PNPLA7: variants seen among roughly 807,000 people sequenced by gnomAD.
The protein encoded by PNPLA7 is patatin-like phospholipase domain-containing protein 7.
A neutral mutation model predicts 161.7 loss-of-function variants in PNPLA7; 153 were observed. The ratio of observed to expected loss-of-function variants is 0.95; its 90% confidence interval spans 0.83 to 1.08. The LOEUF is 1.08. Ranked by LOEUF, PNPLA7 falls within the 50% of genes least tolerant of loss-of-function variation. The pLI, the probability that PNPLA7 is intolerant of heterozygous loss-of-function variation, is 0.00. For missense variants in PNPLA7, 1,739 were observed against 1,856.6 expected (o/e 0.94, Z 1.16); for synonymous variants, 809 against 782.1 (o/e 1.03, Z -0.57).
intron 25 of PNPLA7, among the ~76,000 whole-genome samples, chr9:137,472,606 GC>G (rs1831757358): frequency 7.0e-6 from 1 of 142,818 alleles, no homozygotes; most frequent in Non-Finnish European, 1.5e-5. Flanking sequence ...AGCCGAGATT[GC>G]ACCGTTGCAC....
Position 137,464,325 on chromosome 9 carries a change from A to C in PNPLA7, c.3156+15T>G. On this transcript the variant is annotated intron_variant, in intron 27 of 34. Coordinates refer to ENST00000406427, the MANE Select transcript of PNPLA7 (RefSeq NM_001098537.3). The stretch of plus-strand genomic sequence containing the variant: ...GCACTGGGGGCTGCATGGGCTCCTG[A>C]GGGTGGGGGTGCACCTCGATCTGCT... 6.2e-7 allele frequency: 1 copy of C among 1,611,162 alleles called. No homozygotes were observed. The highest frequency in any genetic ancestry group is 8.5e-7 in the Non-Finnish European group (1 of 1,177,974).
chr9:137,543,383 C>T lies in PNPLA7; in HGVS notation c.506+49G>A, dbSNP rs768762675. The T allele has an allele frequency of 9.3e-6, 15 of 1,611,866 alleles. No homozygotes were observed. The highest frequency in any genetic ancestry group is 4.5e-5 in the East Asian group (2 of 44,872). On this transcript the variant is annotated intron_variant, in intron 6 of 34. Coordinates refer to ENST00000406427, the MANE Select transcript of PNPLA7 (RefSeq NM_001098537.3). The surrounding 1 kb of genome is among the most constrained non-coding windows in gnomAD (Gnocchi z 6.9). ...TGGAGCCAGGCCCCAGCGAGAAGCC[C>T]GGGGCTATGGGAGCTGCCGCAGCCC...
chr9:137,479,756 A>G, intron 23 of PNPLA7: 4 of 985,426 alleles, frequency 4.1e-6, no homozygotes, highest in Non-Finnish European at 4.8e-6. Flanking sequence ...CGCCTGCAGC[A>G]ATGGCCAGGT....
Position 137,467,542 on chromosome 9 carries a change from T to C in PNPLA7, c.2883-69A>G. 1 of 1,562,666 alleles carries C rather than the reference T, an allele frequency of 6.4e-7. No individual in the cohort carries two copies. Among genetic ancestry groups the C allele is most frequent in the Non-Finnish European group, 8.7e-7 (1 of 1,151,140 alleles). ...CAGGCTGCGCCCTGCAGAGGCCTTG[T>C]GCTCATCCTCAGTTCCCAACTCCTC... On this transcript the variant is annotated intron_variant, in intron 25 of 34. Transcript: ENST00000406427. The surrounding 1 kb of genome is among the most constrained non-coding windows in gnomAD (Gnocchi z 5.1).
At position 137,546,974 on chromosome 9, in the gene PNPLA7, G is replaced by A. The variant is rs552153018; in HGVS notation, c.194-65C>T. ...GCACAGGCCTGGTCCTGGACATGCA[G>A]GTGCAGCACAGTCAGTCATACTCTC... On this transcript the variant is annotated intron_variant, in intron 3 of 34. Transcript: ENST00000406427. 3.8e-5 allele frequency: 56 copies of A among 1,472,676 alleles called. 1 individual carries two copies. The African/African-American group carries it at 7.5e-4, about 20-fold the overall frequency. The allele number at this position is 1,472,676 out of a possible 1,614,324, so 91.2% of individuals were successfully genotyped here. A position where few individuals can be genotyped will look rare whatever the true frequency, so the allele number is the denominator to read the frequency against.
chr9:137,502,703 C>G (rs28588496), intron 14 of PNPLA7, among the ~76,000 whole-genome samples: 177 of 11,162 alleles, frequency 0.016, 3 homozygotes, highest in South Asian at 0.016. Flanking sequence ...GGGGGGGACG[C>G]GGGGGACGCG....
In PNPLA7 at chr9:137,501,745, T is replaced by C. The variant is rs925902985; in HGVS notation, c.1474-18A>G. On this transcript the variant is annotated intron_variant, in intron 14 of 34. Transcript: ENST00000406427. The stretch of plus-strand genomic sequence containing the variant: ...GATGAGTCCTAAAAACAGAGCAGAC[T>C]TCAGGGAACACGGGCGGGAAGCATA... 2 of 1,611,088 alleles carry C rather than the reference T, an allele frequency of 1.2e-6. No homozygotes were observed. The highest frequency in any genetic ancestry group is 1.7e-6 in the Non-Finnish European group (2 of 1,179,056).
At chr9:137,545,683 CA>C (rs1241385745) in intron 4 of PNPLA7, among the ~76,000 whole-genome samples, 6 of 152,120 alleles carry the variant, frequency 3.9e-5, no homozygotes, top group African/African-American at 1.4e-4. Flanking sequence ...TAATAATCCT[CA>C]CTCTATAATC....
intron 11 of PNPLA7, among the ~76,000 whole-genome samples, chr9:137,518,271 CTCTGCTCACTCCAT>C (rs1419422944): frequency 2.8e-5 from 4 of 142,302 alleles, no homozygotes; most frequent in Non-Finnish European, 6.0e-5. Flanking sequence ...ACTCACTCCA[CTCTGCTCACTCCAT>C]CCCCCACTCA....
chr9:137,520,052 C>G lies in PNPLA7; in HGVS notation c.958-9G>C. 1 of 1,611,850 alleles carries G rather than the reference C, an allele frequency of 6.2e-7. No homozygotes were observed. Among genetic ancestry groups the G allele is most frequent in the East Asian group, 2.2e-5 (1 of 44,878 alleles). Reference sequence around the variant, plus strand: ...GGGATGGCCTGGCTCTCCTGGGACACAAGAAGGAAGTTCAGTGCCACCCCA... The same window carrying G: ...GGGATGGCCTGGCTCTCCTGGGACAGAAGAAGGAAGTTCAGTGCCACCCCA... On this transcript the variant is annotated splice_polypyrimidine_tract_variant and intron_variant, in intron 10 of 34. Transcript: ENST00000406427. The surrounding 1 kb of genome is among the most constrained non-coding windows in gnomAD (Gnocchi z 5.2).
In PNPLA7 at chr9:137,521,737, C is replaced by T. The variant is rs562743383; in HGVS notation, c.877-21G>A. On this transcript the variant is annotated intron_variant, in intron 9 of 34. Coordinates refer to ENST00000406427, the MANE Select transcript of PNPLA7 (RefSeq NM_001098537.3). ...ATGATCTGCAAGAACACGCCAGCTGCGCGGTGACCACCGGCCTGGGGTACA... is the reference window on the plus strand; with the variant it reads ...ATGATCTGCAAGAACACGCCAGCTGTGCGGTGACCACCGGCCTGGGGTACA... 8.7e-6 allele frequency: 14 copies of T among 1,604,048 alleles called. 1 individual carries two copies. The highest frequency in any genetic ancestry group is 1.7e-4 in the Middle Eastern group (1 of 6,026).
chr9:137,467,399 G>A lies in PNPLA7; in HGVS notation c.2957C>T (p.Ser986Phe). The stretch of plus-strand genomic sequence containing the variant: ...CAGGGCACCCACGAAGGCCCCGATG[G>A]ACGTGCCTCCCACCATGTCCACAGG... ...GIPVDMVGGTSIGAFVGALYS... is the reference protein window; with the variant it reads ...GIPVDMVGGTFIGAFVGALYS... Residue 986 changes from serine (S) to phenylalanine (F), a missense_variant, in exon 26 of 35, where the codon TCC (serine) becomes TTC (phenylalanine). By Grantham distance (155) the Ser-to-Phe change is radical (BLOSUM62 -2). Coordinates refer to ENST00000406427, the MANE Select transcript of PNPLA7 (RefSeq NM_001098537.3). This position sits in a 1 kb window ranked among gnomAD's most constrained non-coding sequence, Gnocchi z 5.1. The A allele has an allele frequency of 3.7e-6, 6 of 1,613,152 alleles. No individual in the cohort carries two copies. The highest frequency in any genetic ancestry group is 5.1e-6 in the Non-Finnish European group (6 of 1,179,910).
chr9:137,522,708 T>C (rs1435474062), intron 9 of PNPLA7, 21 bp downstream of exon 9: 1 of 1,611,476 alleles, frequency 6.2e-7, no homozygotes, highest in Non-Finnish European at 8.5e-7. Context: ...GCTAGAAGAG[T>C]TGTCTGAAAA....
chr9:137,482,452 C>T (rs1832265700), intron 21 of PNPLA7, among the ~76,000 whole-genome samples: 1 of 152,234 alleles, frequency 6.6e-6, no homozygotes, highest in Non-Finnish European at 1.5e-5. Context: ...TTTGCGTGCA[C>T]GTGACTGAGT....
chr9:137,493,133 C>A (rs1832862567), intron 19 of PNPLA7, 51 bp from the exon 20 acceptor site: 2 of 1,582,492 alleles, frequency 1.3e-6, no homozygotes, highest in East Asian at 4.5e-5. Context: ...CTGAGAAACA[C>A]TGGGAACCAA....
chr9:137,481,094 C>G (rs1470254638), intron 21 of PNPLA7, 71 bp from the exon 22 acceptor site: 5 of 1,498,266 alleles, frequency 3.3e-6, no homozygotes, highest in Non-Finnish European at 4.5e-6. Flanking sequence ...GGCACCGACA[C>G]CCAGCAAGGT....
In PNPLA7 at chr9:137,497,207, G is replaced by A. The variant is rs150641100; in HGVS notation, c.1993C>T (p.Arg665Ter). 338 of 1,585,832 alleles carry A rather than the reference G, an allele frequency of 2.1e-4. No individual in the cohort carries two copies. In the African/African-American group the frequency reaches 3.9e-3, roughly 18 times the overall value. ...CCTACCACGCCGACGAGGTCTCCTCGGCCGTACTCCCCGGCCAGGCGCTTC... is the reference window on the plus strand; with the variant it reads ...CCTACCACGCCGACGAGGTCTCCTCAGCCGTACTCCCCGGCCAGGCGCTTC... ...GKKRLAGEYG[R>*]GDLVGVVETL... Residue 665 changes from arginine to a stop codon, truncating the protein, a stop_gained, in exon 18 of 35, where the codon CGA becomes TGA. Coordinates refer to ENST00000406427, the MANE Select transcript of PNPLA7 (RefSeq NM_001098537.3). LOFTEE classifies it high-confidence loss of function.
chr9:137,465,550 C>T (rs1452466844), intron 26 of PNPLA7, among the ~76,000 whole-genome samples: 1 of 152,232 alleles, frequency 6.6e-6, no homozygotes, highest in East Asian at 1.9e-4. Context: ...CGTCCTGCTG[C>T]ATGCCAGTCC....
chr9:137,504,432 G>A (rs569371781), intron 14 of PNPLA7, among the ~76,000 whole-genome samples: 1 of 152,098 alleles, frequency 6.6e-6, no homozygotes, highest in Non-Finnish European at 1.5e-5. Context: ...GGCTGGTCTC[G>A]GACTCTTGAC....
Sources: allele counts gnomAD v4.1 joint callset (sites outside exome capture counted in the v4.1 genomes callset), GRCh38; gene constraint gnomAD v4.1.1; non-coding constraint Gnocchi (gnomAD v3.1); transcripts MANE v1.5; gene names NCBI Gene and HGNC (gene_info 2026-07-23, HGNC 2026-07-21).